CD99L2: variants seen among roughly 807,000 people sequenced by gnomAD.
CD99L2 encodes the protein CD99 molecule like 2, also known as CD99 antigen-like protein 2.
A neutral mutation model predicts 27.3 loss-of-function variants in CD99L2; 24 were observed. That is an observed-to-expected ratio of 0.88 (90% CI 0.64 to 1.24). CD99L2 has a LOEUF of 1.24. Among genes scored for constraint, CD99L2 ranks in the 50% most tolerant of loss-of-function variants. The pLI, the probability that CD99L2 is intolerant of heterozygous loss-of-function variation, is 0.00. For missense variants in CD99L2, 255 were observed against 221.6 expected (o/e 1.15, Z -0.96); for synonymous variants, 97 against 87.9 (o/e 1.10, Z -0.58).
intron 9 of CD99L2, among the ~76,000 whole-genome samples, chrX:150,770,577 CA>C (rs2043428133): frequency 1.8e-5 from 2 of 112,630 alleles, no homozygotes; most frequent in Non-Finnish European, 3.8e-5. Flanking sequence ...GAGTTCTCAT[CA>C]TCGTCCTCAG....
At chrX:150,826,744 T>C (rs1384623580) in intron 2 of CD99L2, among the ~76,000 whole-genome samples, 1 of 112,079 alleles carries the variant, frequency 8.9e-6, no homozygotes, top group African/African-American at 3.2e-5. Flanking sequence ...CCCTGACAAC[T>C]TCTCTGTCTT....
intron 1 of CD99L2, among the ~76,000 whole-genome samples, chrX:150,872,057 C>G (rs573198897): frequency 9.1e-6 from 1 of 110,284 alleles, no homozygotes; most frequent in East Asian, 2.9e-4. Flanking sequence ...GTAGGGAGAC[C>G]CTGTCTCTAC....
intron 1 of CD99L2, among the ~76,000 whole-genome samples, chrX:150,894,728 C>T (rs1365299330): frequency 1.8e-5 from 2 of 110,636 alleles, no homozygotes; most frequent in Admixed American, 1.9e-4. Flanking sequence ...GCTGGGACTA[C>T]AGGCGCATGC....
At chrX:150,825,480 G>T (rs782245895) in intron 2 of CD99L2, among the ~76,000 whole-genome samples, 4 of 111,995 alleles carry the variant, frequency 3.6e-5, no homozygotes, top group Non-Finnish European at 7.5e-5. Context: ...GAAACGTCTC[G>T]TTTCTCTGAA....
At chrX:150,772,048 C>T (rs1557419099) in intron 9 of CD99L2, among the ~76,000 whole-genome samples, 4 of 112,474 alleles carry the variant, frequency 3.6e-5, no homozygotes, top group Non-Finnish European at 3.8e-5. Context: ...TTCTGCACCC[C>T]GGTCCCCTCT....
intron 1 of CD99L2, 102 bp from the exon 2 acceptor site, chrX:150,831,395 A>C: frequency 1.5e-6 from 1 of 689,293 alleles, no homozygotes; most frequent in Non-Finnish European, 2.1e-6. Flanking sequence ...TGAAGGAATA[A>C]CAAAAGGTAT....
rs782524041 is a variant in CD99L2 at position 150,784,559 on chromosome X, C to T, written c.497-7077G>A. Among the ~76,000 whole-genome samples, 275 of 112,190 alleles carry T rather than the reference C, an allele frequency of 2.5e-3. 1 individual carries two copies. The highest frequency in any genetic ancestry group is 8.6e-3 in the African/African-American group (265 of 30,915). Reference sequence around the variant, plus strand: ...TGAGAGTGCACACTTCCCCAGCTAGCGATGTGGTGGGCCCTGGCTCTCGCA... The same window carrying T: ...TGAGAGTGCACACTTCCCCAGCTAGTGATGTGGTGGGCCCTGGCTCTCGCA... On this transcript the variant is annotated intron_variant, in intron 7 of 10. Coordinates refer to ENST00000370377, the MANE Select transcript of CD99L2 (RefSeq NM_031462.4).
chrX:150,893,271 C>G (rs1230593995), intron 1 of CD99L2, among the ~76,000 whole-genome samples: 1 of 111,386 alleles, frequency 9.0e-6, no homozygotes, highest in Admixed American at 9.5e-5. Context: ...CTGACTAGTG[C>G]CCATAAGGGC....
chrX:150,837,391 A>G (rs1006296532), intron 1 of CD99L2, among the ~76,000 whole-genome samples: 13 of 110,775 alleles, frequency 1.2e-4, no homozygotes, highest in African/African-American at 4.3e-4. Flanking sequence ...CTGGGATTAC[A>G]GGCACCCGCC....
At chrX:150,868,510 A>G (rs782517526) in intron 1 of CD99L2, among the ~76,000 whole-genome samples, 2 of 112,295 alleles carry the variant, frequency 1.8e-5, no homozygotes, top group African/African-American at 6.5e-5. Flanking sequence ...TGACACAGTG[A>G]GACTCTTGTC....
intron 1 of CD99L2, among the ~76,000 whole-genome samples, chrX:150,889,895 G>A (rs1237197762): frequency 8.9e-6 from 1 of 112,248 alleles, no homozygotes; most frequent in Non-Finnish European, 1.9e-5. Context: ...GCTCACGCCT[G>A]TAATCCCAGC....
intron 10 of CD99L2, among the ~76,000 whole-genome samples, chrX:150,769,668 TCTCCCTGCCTGCGC>T (rs2043385894): frequency 9.4e-6 from 1 of 106,763 alleles, no homozygotes; most frequent in South Asian, 3.8e-4. Context: ...GCTGTCCTAG[TCTCCCTGCCTGCGC>T]CACCAGGCCT....
At chrX:150,887,449 G>GAAAT (rs200189117) in intron 1 of CD99L2, among the ~76,000 whole-genome samples, 15,975 of 98,161 alleles carry the variant, frequency 0.16, 1,345 homozygotes, top group Middle Eastern at 0.26. Context: ...TCCGTCTCCA[G>GAAAT]AAATAAATAA....
chrX:150,898,496 C>G, intron 1 of CD99L2, 26 bp downstream of exon 1: 1 of 1,091,175 alleles, frequency 9.2e-7, no homozygotes, highest in Non-Finnish European at 1.2e-6. Flanking sequence ...CCCGCGCGGT[C>G]CCCGCGCGCC....
chrX:150,871,890 G>A (rs782207268), intron 1 of CD99L2, among the ~76,000 whole-genome samples: 1 of 112,172 alleles, frequency 8.9e-6, no homozygotes, highest in African/African-American at 3.2e-5. Context: ...ATAATCTATA[G>A]TTTCAATTCT....
chrX:150,869,501 G>A (rs1477389627), intron 1 of CD99L2, among the ~76,000 whole-genome samples: 2 of 112,276 alleles, frequency 1.8e-5, no homozygotes, highest in Non-Finnish European at 3.8e-5. Flanking sequence ...ATATTTGTAT[G>A]TAATTCTAAT....
rs781918695 is a variant in CD99L2 at position 150,863,063 on chromosome X, A to T, written c.68-31770T>A. On this transcript the variant is annotated intron_variant, in intron 1 of 10. Transcript: ENST00000370377. ...CCCTACTTACAATTACGTATATTCT[A>T]ATTGGGCAATATGACAGACAAAGGC... Among the ~76,000 whole-genome samples, 979 of 112,086 alleles carry T rather than the reference A, an allele frequency of 8.7e-3. 14 individuals carry two copies. The highest frequency in any genetic ancestry group is 0.03 in the African/African-American group (931 of 30,869).
At chrX:150,824,090 A>AGGAGGAGGAAGAGGAGGAGGAAGAGG (rs2046285391) in intron 2 of CD99L2, among the ~76,000 whole-genome samples, 1 of 77,957 alleles carries the variant, frequency 1.3e-5, no homozygotes, top group African/African-American at 5.2e-5. Flanking sequence ...GAAGAAGAAG[A>AGGAGGAGGAAGAGGAGGAGGAAGAGG]AAGAAGAAGG....
intron 2 of CD99L2, among the ~76,000 whole-genome samples, chrX:150,823,987 A>AAAGAAG (rs201970278): frequency 9.4e-6 from 1 of 106,409 alleles, no homozygotes; most frequent in Admixed American, 1.0e-4. Flanking sequence ...TGTAGAAAAA[A>AAAGAAG]AAGAAGAAGA....
Sources: gnomAD v4.1 joint callset for allele counts (sites outside exome capture counted in the v4.1 genomes callset) on GRCh38, gnomAD v4.1.1 for gene constraint, MANE v1.5 for transcripts, NCBI Gene and HGNC (gene_info 2026-07-23, HGNC 2026-07-21) for gene names.